The following AFF3 variants were observed in gnomAD, a reference collection of about 807,000 sequenced individuals.
AFF3 encodes ALF transcription elongation factor 3.
In AFF3, 32 loss-of-function variants were observed where a neutral mutation model predicts 129.7. The observed-to-expected ratio is 0.25, with a 90% CI of 0.19 to 0.33. The LOEUF is 0.33. Among genes scored for constraint, AFF3 ranks in the 10% least tolerant of loss-of-function variants. The probability of loss-of-function intolerance (pLI) is 1.00; values close to 1 mark genes in which losing one functional copy is unlikely to be tolerated. For synonymous variants in AFF3, 644 were observed against 635.4 expected (o/e 1.01, Z -0.20); for missense variants, 1,373 against 1,592.0 (o/e 0.86, Z 2.34).
chr2:99,668,240 T>C (rs1406191787), intron 12 of AFF3, among the ~76,000 whole-genome samples: 2 of 151,908 alleles, frequency 1.3e-5, no homozygotes, highest in African/African-American at 4.8e-5. Context: ...GGCTTGATCA[T>C]AGCTCACGGC....
chr2:99,706,839 G>A (rs2104833311), intron 11 of AFF3, among the ~76,000 whole-genome samples: 1 of 152,282 alleles, frequency 6.6e-6, no homozygotes, highest in East Asian at 1.9e-4. Context: ...CCCTCTAAAT[G>A]CCTCTCAAAG....
chr2:99,650,080 G>A (rs1685097389), intron 12 of AFF3, among the ~76,000 whole-genome samples: 2 of 152,202 alleles, frequency 1.3e-5, no homozygotes, highest in South Asian at 4.1e-4. Context: ...CAATGAAGGT[G>A]TAATTTTTCA....
Position 99,648,917 on chromosome 2 carries a change from A to ACACACACACTCTCT in AFF3, c.1184+708_1184+709insAGAGAGTGTGTGTG. ...CACACACACACACACACACACACAC[A>ACACACACACTCTCT]CTCTCTCTCTCTCTCTCTCTCCAAT... On this transcript the variant is annotated intron_variant, in intron 13 of 24. Coordinates refer to ENST00000672756, the MANE Select transcript of AFF3 (RefSeq NM_001386135.1). 3.4e-4 allele frequency among the ~76,000 whole-genome samples: 16 copies of ACACACACACTCTCT among 46,932 alleles called. No individual in the cohort carries two copies. In the South Asian group the frequency reaches 7.4e-3, roughly 22 times the overall value. 30.8% of individuals were successfully genotyped at this position (46,932 alleles called of 152,430 possible). A position where few individuals can be genotyped will look rare whatever the true frequency, so the allele number is the denominator to read the frequency against.
At chr2:100,046,647 T>C (rs1685859310) in intron 4 of AFF3, among the ~76,000 whole-genome samples, 1 of 152,208 alleles carries the variant, frequency 6.6e-6, no homozygotes, top group Non-Finnish European at 1.5e-5. Context: ...GTTTGACCAA[T>C]GTTAGTCAGA....
Position 99,786,891 on chromosome 2 carries a change from C to G in AFF3, c.922-34590G>C, listed in dbSNP as rs374083327. ...TAGTACGAGTATTTTTATTGATACACACAGTAATGCTTCTCATACCATCTT... is the reference window on the plus strand; with the variant it reads ...TAGTACGAGTATTTTTATTGATACAGACAGTAATGCTTCTCATACCATCTT... On this transcript the variant is annotated intron_variant, in intron 8 of 24. Coordinates refer to ENST00000672756, the MANE Select transcript of AFF3 (RefSeq NM_001386135.1). Among the ~76,000 whole-genome samples, 9 of 152,198 alleles carry G rather than the reference C, an allele frequency of 5.9e-5. No homozygotes were observed. The South Asian group carries it at 1.9e-3, about 32-fold the overall frequency.
Position 99,860,503 on chromosome 2 carries a change from G to A in AFF3, c.874-22979C>T, listed in dbSNP as rs1035306579. Among the ~76,000 whole-genome samples the A allele has an allele frequency of 4.4e-4, 67 of 151,980 alleles. 3 individuals are homozygous for A. Among genetic ancestry groups the A allele is most frequent in the Non-Finnish European group, 2.9e-5 (2 of 68,020 alleles). Reference sequence around the variant, plus strand: ...TGGGAGGCAGAGCTTGCAGTGAGCCGAGATGGTGCCACTGCACTCCAGCCA... The same window carrying A: ...TGGGAGGCAGAGCTTGCAGTGAGCCAAGATGGTGCCACTGCACTCCAGCCA... On this transcript the variant is annotated intron_variant, in intron 7 of 24. Coordinates refer to ENST00000672756, the MANE Select transcript of AFF3 (RefSeq NM_001386135.1).
At chr2:99,668,382 G>T (rs1196326913) in intron 12 of AFF3, among the ~76,000 whole-genome samples, 1 of 151,970 alleles carries the variant, frequency 6.6e-6, no homozygotes, top group Non-Finnish European at 1.5e-5. Flanking sequence ...ATGTTGGCCA[G>T]GCTGGTCTCG....
At chr2:99,651,136 G>T (rs1393286338) in intron 12 of AFF3, among the ~76,000 whole-genome samples, 4 of 140,776 alleles carry the variant, frequency 2.8e-5, no homozygotes, top group Non-Finnish European at 6.0e-5. Context: ...TCGCGCCATT[G>T]TACTCCAGCC....
At chr2:99,576,037 T>C (rs1575402716) in intron 18 of AFF3, among the ~76,000 whole-genome samples, 1 of 145,058 alleles carries the variant, frequency 6.9e-6, no homozygotes, top group Non-Finnish European at 1.5e-5. Context: ...TAGTGAGACA[T>C]GATTTTTTTT....
chr2:99,628,878 G>A (rs1434076489), intron 13 of AFF3, among the ~76,000 whole-genome samples: 1 of 152,048 alleles, frequency 6.6e-6, no homozygotes, highest in African/African-American at 2.4e-5. Flanking sequence ...GTGCCACCAT[G>A]CCCAGTTAAT....
At chr2:99,989,737 A>G (rs1032743726) in intron 7 of AFF3, among the ~76,000 whole-genome samples, 3 of 152,184 alleles carry the variant, frequency 2.0e-5, no homozygotes, top group Non-Finnish European at 2.9e-5. Context: ...TCAAAATTGT[A>G]TTTTTAATTC....
chr2:99,777,725 C>T (rs1684018047), intron 8 of AFF3, among the ~76,000 whole-genome samples: 1 of 151,982 alleles, frequency 6.6e-6, no homozygotes, highest in African/African-American at 2.4e-5. Flanking sequence ...TGCTTTCTGC[C>T]TCTATGAAAA....
chr2:99,991,501 G>T (rs757957735), intron 7 of AFF3, among the ~76,000 whole-genome samples: 5 of 152,130 alleles, frequency 3.3e-5, no homozygotes, highest in Non-Finnish European at 5.9e-5. Flanking sequence ...GACTTAGAGG[G>T]AAAAAAGCTG....
intron 4 of AFF3, among the ~76,000 whole-genome samples, chr2:100,067,212 G>A (rs1241844126): frequency 6.6e-6 from 1 of 151,234 alleles, no homozygotes; most frequent in African/African-American, 2.4e-5. Flanking sequence ...GGGGGAGGGT[G>A]TAGTTCAAAA....
chr2:99,967,022 G>C (rs1677849307), intron 7 of AFF3, among the ~76,000 whole-genome samples: 1 of 152,074 alleles, frequency 6.6e-6, no homozygotes, highest in Non-Finnish European at 1.5e-5. Flanking sequence ...TCATAAGTTG[G>C]AAGTCAAAAC....
intron 7 of AFF3, among the ~76,000 whole-genome samples, chr2:99,844,213 C>T (rs1041011754): frequency 1.3e-5 from 2 of 152,040 alleles, no homozygotes; most frequent in Non-Finnish European, 2.9e-5. Context: ...AAACCACAAA[C>T]TACATTAATT....
At chr2:99,695,958 A>T (rs1185421180) in intron 11 of AFF3, among the ~76,000 whole-genome samples, 6 of 130,784 alleles carry the variant, frequency 4.6e-5, no homozygotes, top group African/African-American at 6.5e-5. Flanking sequence ...AAAAAAAAAA[A>T]AACCAAAAGA....
intron 8 of AFF3, among the ~76,000 whole-genome samples, chr2:99,812,640 A>T (rs1226556882): frequency 1.3e-5 from 2 of 152,210 alleles, no homozygotes; most frequent in African/African-American, 4.8e-5. Flanking sequence ...GTCTAACGCA[A>T]TTCCCACTAG....
At chr2:99,845,289 G>A (rs1689640669) in intron 7 of AFF3, among the ~76,000 whole-genome samples, 1 of 152,152 alleles carries the variant, frequency 6.6e-6, no homozygotes, top group African/African-American at 2.4e-5. Context: ...TTAGCACTAG[G>A]ACAAGGTATT....
Sources: allele counts gnomAD v4.1 joint callset (sites outside exome capture counted in the v4.1 genomes callset), GRCh38; gene constraint gnomAD v4.1.1; transcripts MANE v1.5; gene names NCBI Gene and HGNC (gene_info 2026-07-23, HGNC 2026-07-21).